The following FABP12 variants were observed in gnomAD, a reference collection of about 807,000 sequenced individuals.
The protein encoded by FABP12 is fatty acid binding protein 12.
Under a neutral mutation model 13.7 loss-of-function variants are expected in FABP12, and 19 were observed. That is an observed-to-expected ratio of 1.39 (90% confidence interval 0.97 to 2.04). The LOEUF (loss-of-function observed/expected upper bound fraction) is 2.04. Ranked by LOEUF, FABP12 falls within the 30% of genes most tolerant of loss-of-function variation. The probability of loss-of-function intolerance (pLI) is 0.00; values close to 1 mark genes in which losing one functional copy is unlikely to be tolerated. For synonymous variants in FABP12, 61 were observed against 57.0 expected (o/e 1.07, Z -0.32); for missense variants, 182 against 164.2 (o/e 1.11, Z -0.59).
chr8:81,525,435 G>C (rs956625410), intron 4 of FABP12, among the ~76,000 whole-genome samples: 3 of 151,612 alleles, frequency 2.0e-5, no homozygotes, highest in African/African-American at 7.3e-5. Flanking sequence ...AGAATCACTT[G>C]AACCTGGGAG....
At chr8:81,549,228 T>TACAC (rs10577619) in intron 1 of FABP12, among the ~76,000 whole-genome samples, 2,203 of 149,750 alleles carry the variant, frequency 0.015, 48 homozygotes, top group African/African-American at 0.05. Context: ...CAGACACACA[T>TACAC]ACACACACAC....
rs751322897 is a variant in FABP12 at position 81,531,219 on chromosome 8, G to T, written c.73+24C>A. 7.7e-6 allele frequency: 12 copies of T among 1,549,208 alleles called. No homozygotes were observed. The African/African-American group carries it at 1.4e-4, about 17-fold the overall frequency. The stretch of plus-strand genomic sequence containing the variant: ...CAAAATGCCCATTTTTACTGGATAT[G>T]ATATGCAAGTAAACATAGCTCACCC... On this transcript the variant is annotated intron_variant, in intron 2 of 4. Coordinates refer to ENST00000360464, the Ensembl canonical transcript of FABP12.
At chr8:81,555,138 G>T (rs1278901252) in intron 1 of FABP12, among the ~76,000 whole-genome samples, 2 of 152,192 alleles carry the variant, frequency 1.3e-5, no homozygotes, top group African/African-American at 4.8e-5. Flanking sequence ...TGAACTAAAA[G>T]GCAGCCACAT....
chr8:81,583,562 T>C (rs1810199054), intron 1 of FABP12, among the ~76,000 whole-genome samples: 1 of 152,082 alleles, frequency 6.6e-6, no homozygotes. Flanking sequence ...TTATTATGAA[T>C]GACTACACAC....
At chr8:81,579,878 T>C (rs1810127166) in intron 1 of FABP12, among the ~76,000 whole-genome samples, 1 of 152,262 alleles carries the variant, frequency 6.6e-6, no homozygotes, top group Admixed American at 6.5e-5. Flanking sequence ...TTTGCATTTA[T>C]TCTCTTTCTT....
chr8:81,550,180 C>T (rs1809501422), intron 1 of FABP12, among the ~76,000 whole-genome samples: 1 of 152,124 alleles, frequency 6.6e-6, no homozygotes, highest in Non-Finnish European at 1.5e-5. Flanking sequence ...TGGGTACCTA[C>T]CTTAAATCCC....
chr8:81,586,925 G>C (rs1444180515), intron 1 of FABP12, among the ~76,000 whole-genome samples: 1 of 152,042 alleles, frequency 6.6e-6, no homozygotes, highest in Non-Finnish European at 1.5e-5. Context: ...TATCGTTTTG[G>C]GTTTGACATT....
intron 1 of FABP12, among the ~76,000 whole-genome samples, chr8:81,557,883 T>G (rs1449353852): frequency 6.6e-6 from 1 of 152,198 alleles, no homozygotes; most frequent in Non-Finnish European, 1.5e-5. Flanking sequence ...TGACATTCAT[T>G]TTTCTCTGTG....
intron 1 of FABP12, among the ~76,000 whole-genome samples, 116 bp downstream of exon 1, chr8:81,533,686 T>G (rs1809147622): frequency 6.6e-6 from 1 of 152,178 alleles, no homozygotes; most frequent in South Asian, 2.1e-4. Context: ...TTTTTTCTCC[T>G]CCTTTAGCTG....
At chr8:81,558,617 C>A (rs928402024) in intron 1 of FABP12, among the ~76,000 whole-genome samples, 17 of 151,874 alleles carry the variant, frequency 1.1e-4, no homozygotes, top group African/African-American at 3.9e-4. Flanking sequence ...GAGGGCAGGG[C>A]GCGGTGGCTC....
chr8:81,572,598 C>T (rs372796861), intron 1 of FABP12, among the ~76,000 whole-genome samples: 5 of 152,152 alleles, frequency 3.3e-5, no homozygotes, highest in African/African-American at 7.2e-5. Context: ...CCCTGATCAC[C>T]GCATCCATAC....
intron 2 of FABP12, among the ~76,000 whole-genome samples, chr8:81,530,929 C>T (rs1198090718): frequency 1.3e-5 from 2 of 152,066 alleles, no homozygotes; most frequent in Admixed American, 6.6e-5. Context: ...TCTGAAGATC[C>T]CCTAAAGCTT....
rs71268012 is a variant in FABP12, at chr8:81,578,823, G to GTTTCTTTTTTTTTTTTTTTTTTTTTT, written c.-185+11229_-185+11230insAAAAAAAAAAAAAAAAAAAAAAGAAA. Among the ~76,000 whole-genome samples the GTTTCTTTTTTTTTTTTTTTTTTTTTT allele has an allele frequency of 1.8e-4, 19 of 105,660 alleles. 5 individuals are homozygous for GTTTCTTTTTTTTTTTTTTTTTTTTTT. Among genetic ancestry groups the GTTTCTTTTTTTTTTTTTTTTTTTTTT allele is most frequent in the African/African-American group, 7.3e-4 (18 of 24,606 alleles). 69.3% of individuals were successfully genotyped at this position (105,660 alleles called of 152,430 possible). On this transcript the variant is annotated intron_variant, in intron 1 of 5. Transcript: ENST00000692030. ...TACAGAATCTGACACATTTGTTCAAGTTTTTTTTTTTTTTTTTTTGAGAAG... is the reference window on the plus strand; with the variant it reads ...TACAGAATCTGACACATTTGTTCAAGTTTCTTTTTTTTTTTTTTTTTTTTTTTTTTTTTTTTTTTTTTTTTGAGAAG...
At chr8:81,581,825 G>A (rs1047040153) in intron 1 of FABP12, among the ~76,000 whole-genome samples, 4 of 152,076 alleles carry the variant, frequency 2.6e-5, no homozygotes, top group Non-Finnish European at 5.9e-5. Flanking sequence ...AAATGCTCAT[G>A]GGGTCCTACA....
At chr8:81,560,381 A>C in intron 1 of FABP12, among the ~76,000 whole-genome samples, 1 of 152,206 alleles carries the variant, frequency 6.6e-6, no homozygotes, top group South Asian at 2.1e-4. Context: ...TTGAAGGAAA[A>C]ATTTAAATGC....
intron 1 of FABP12, among the ~76,000 whole-genome samples, chr8:81,533,533 C>A (rs1339727351): frequency 2.0e-5 from 3 of 152,164 alleles, no homozygotes; most frequent in African/African-American, 7.2e-5. Context: ...GGAACAGGTG[C>A]ATGACTCTGA....
chr8:81,561,620 G>A (rs1044613229), intron 1 of FABP12, among the ~76,000 whole-genome samples: 2 of 152,180 alleles, frequency 1.3e-5, no homozygotes, highest in African/African-American at 2.4e-5. Flanking sequence ...CACAGAGATA[G>A]AATCTGTGTG....
At chr8:81,576,929 G>T (rs1810057239) in intron 1 of FABP12, among the ~76,000 whole-genome samples, 1 of 152,138 alleles carries the variant, frequency 6.6e-6, no homozygotes, top group South Asian at 2.1e-4. Context: ...AGTGGCAGAA[G>T]TTATTTCTGT....
intron 1 of FABP12, among the ~76,000 whole-genome samples, chr8:81,558,385 A>G (rs556079149): frequency 2.0e-4 from 31 of 152,234 alleles, no homozygotes; most frequent in African/African-American, 7.2e-4. Context: ...AGGAAAGGTA[A>G]CAGTAGATGT....
Sources: allele counts gnomAD v4.1 joint callset (sites outside exome capture counted in the v4.1 genomes callset), GRCh38; gene constraint gnomAD v4.1.1; transcripts MANE v1.5; gene names NCBI Gene and HGNC (gene_info 2026-07-23, HGNC 2026-07-21).